The following PTPRD variants were observed in gnomAD, a reference collection of about 807,000 sequenced individuals.
PTPRD encodes protein tyrosine phosphatase receptor type D.
Under a neutral mutation model 214.5 loss-of-function variants are expected in PTPRD, and 34 were observed. The observed-to-expected ratio is 0.16, with a 90% CI of 0.12 to 0.21. The LOEUF (loss-of-function observed/expected upper bound fraction) is 0.21, where lower values mean the gene tolerates loss of function less well. Ranked by LOEUF, PTPRD falls within the 10% of genes least tolerant of loss-of-function variation. The pLI is 1.00. For synonymous variants in PTPRD, 1,128 were observed against 845.7 expected, an observed-to-expected ratio of 1.33 and a Z score of -5.79; for missense variants, 2,545 against 2,398.7, an observed-to-expected ratio of 1.06 and a Z score of -1.27.
intron 3 of PTPRD, among the ~76,000 whole-genome samples, chr9:10,284,584 T>C (rs2095275732): frequency 6.6e-6 from 1 of 152,236 alleles, no homozygotes; most frequent in African/African-American, 2.4e-5. Flanking sequence ...TATTATCTCA[T>C]AGTTCTTGTG....
rs1453728795 is a variant in PTPRD at position 8,486,249 on chromosome 9, G to C, written c.2568C>G (p.Tyr856Ter). ...TATCCTTGCGGCCAAATTTTAGACGGTAGCCCTGAAGAGGTCCAAATGTGT... is the reference window on the plus strand; with the variant it reads ...TATCCTTGCGGCCAAATTTTAGACGCTAGCCCTGAAGAGGTCCAAATGTGT... ...PVDTFGPLQG[Y>*]RLKFGRKDME... is the part of the protein sequence containing the mutation. Residue 856 changes from tyrosine to a stop codon, truncating the protein, a stop_gained, in exon 28 of 46, where the codon TAC becomes TAG. Transcript: ENST00000381196. LOFTEE classifies it high-confidence loss of function. The C allele has an allele frequency of 6.2e-7, 1 of 1,614,180 alleles. No individual in the cohort carries two copies. The highest frequency in any genetic ancestry group is 8.5e-7 in the Non-Finnish European group (1 of 1,180,018).
chr9:9,277,291 C>T (rs557926159), intron 9 of PTPRD, among the ~76,000 whole-genome samples: 37 of 151,354 alleles, frequency 2.4e-4, no homozygotes, highest in Non-Finnish European at 3.6e-4. Flanking sequence ...TCTTAAAATG[C>T]CAATCTGTAA....
At chr9:9,879,775 C>A (rs1467772577) in intron 5 of PTPRD, among the ~76,000 whole-genome samples, 1 of 152,082 alleles carries the variant, frequency 6.6e-6, no homozygotes, top group African/African-American at 2.4e-5. Flanking sequence ...AAGGGTGGAA[C>A]ATTTCTTGCT....
chr9:8,743,115 G>GT lies in PTPRD; in HGVS notation c.-103-9170_-103-9169insA, dbSNP rs887738565. 6.9e-3 allele frequency among the ~76,000 whole-genome samples: 182 copies of GT among 26,290 alleles called. 1 individual carries two copies. Among genetic ancestry groups the GT allele is most frequent in the African/African-American group, 0.013 (165 of 13,036 alleles). 17.2% of individuals were successfully genotyped at this position (26,290 alleles called of 152,430 possible). ...GAAAAATTCCAAATTAAAAAAAAAA[G>GT]GGGGGGGGGACTTTTAAGACATAAT... On this transcript the variant is annotated intron_variant, in intron 11 of 45. Transcript: ENST00000381196.
At chr9:9,883,579 GATC>G (rs2069606747) in intron 5 of PTPRD, among the ~76,000 whole-genome samples, 1 of 152,102 alleles carries the variant, frequency 6.6e-6, no homozygotes, top group Non-Finnish European at 1.5e-5. Flanking sequence ...AAGAAGAATA[GATC>G]ATCTTTTACC....
chr9:8,854,080 T>C (rs2097866469), intron 11 of PTPRD, among the ~76,000 whole-genome samples: 1 of 152,174 alleles, frequency 6.6e-6, no homozygotes. Context: ...ATACAAATCC[T>C]GTATATTTCG....
intron 7 of PTPRD, among the ~76,000 whole-genome samples, chr9:9,585,864 G>A (rs1383334628): frequency 6.6e-6 from 1 of 152,036 alleles, no homozygotes; most frequent in Non-Finnish European, 1.5e-5. Flanking sequence ...AAAAAGGGAA[G>A]GCTTGAGGTG....
At chr9:9,637,406 A>G (rs752468242) in intron 7 of PTPRD, among the ~76,000 whole-genome samples, 8 of 152,242 alleles carry the variant, frequency 5.3e-5, no homozygotes, top group Non-Finnish European at 1.0e-4. Context: ...AGCATAGAAT[A>G]TACATTCCAA....
At position 8,518,198 on chromosome 9, in the gene PTPRD, T is replaced by C; in HGVS notation, c.1193A>G (p.Asn398Ser). The C allele has an allele frequency of 1.2e-6, 2 of 1,614,174 alleles. No individual in the cohort carries two copies. The highest frequency in any genetic ancestry group is 1.7e-6 in the Non-Finnish European group (2 of 1,180,012). ...DYEFRVVAVN[N>S]IGRGPPSEPV... ...TTCGCTGGGAGGCCCCCGCCCAATG[T>C]TATTGACAGCAACAACCCTGAATTC... The change falls in exon 21 of 46, where the codon AAC becomes AGC. Residue 398 changes from asparagine (N) to serine (S), a missense_variant. Asn to Ser is a conservative substitution (Grantham distance 46). Coordinates refer to ENST00000381196, the MANE Select transcript of PTPRD (RefSeq NM_002839.4).
intron 2 of PTPRD, among the ~76,000 whole-genome samples, chr9:10,486,404 G>T (rs372871919): frequency 6.6e-5 from 10 of 152,242 alleles, no homozygotes; most frequent in African/African-American, 2.2e-4. Context: ...CATATGGCTG[G>T]ACAGTTTTCC....
At chr9:9,982,814 T>C (rs1312436508) in intron 4 of PTPRD, among the ~76,000 whole-genome samples, 1 of 152,156 alleles carries the variant, frequency 6.6e-6, no homozygotes, top group African/African-American at 2.4e-5. Flanking sequence ...TTCTTGATTA[T>C]AGCTTTCTAT....
chr9:9,985,982 A>G (rs2095696720), intron 4 of PTPRD, among the ~76,000 whole-genome samples: 1 of 152,134 alleles, frequency 6.6e-6, no homozygotes, highest in African/African-American at 2.4e-5. Context: ...TTGGAAGACT[A>G]CTTAATTTGG....
intron 12 of PTPRD, among the ~76,000 whole-genome samples, chr9:8,648,147 T>C (rs1411786930): frequency 6.6e-6 from 1 of 152,230 alleles, no homozygotes; most frequent in Non-Finnish European, 1.5e-5. Flanking sequence ...AATGGTATGT[T>C]CCAATGTTTG....
intron 7 of PTPRD, among the ~76,000 whole-genome samples, chr9:9,693,947 T>C (rs1250463681): frequency 6.6e-6 from 1 of 152,204 alleles, no homozygotes; most frequent in African/African-American, 2.4e-5. Context: ...CTTGATTCTT[T>C]TTAAATATCT....
In PTPRD at chr9:8,956,226, T is replaced by C. The variant is rs187300383; in HGVS notation, c.-104+62471A>G. Among the ~76,000 whole-genome samples, 10 of 151,948 alleles carry C rather than the reference T, an allele frequency of 6.6e-5. No homozygotes were observed. The East Asian group carries it at 1.7e-3, about 26-fold the overall frequency. On this transcript the variant is annotated intron_variant, in intron 11 of 45. Transcript: ENST00000381196. ...AATATTTTTCTTGAAGAATACAGCA[T>C]TTATGCAGAGAAACAGCCATGAATA...
intron 11 of PTPRD, among the ~76,000 whole-genome samples, chr9:8,979,504 A>G (rs2154339199): frequency 6.6e-6 from 1 of 152,274 alleles, no homozygotes; most frequent in East Asian, 1.9e-4. Flanking sequence ...AGGGACTACT[A>G]TCCAAAATTT....
intron 8 of PTPRD, among the ~76,000 whole-genome samples, chr9:9,412,053 C>A (rs2075615324): frequency 6.6e-6 from 1 of 152,178 alleles, no homozygotes; most frequent in Non-Finnish European, 1.5e-5. Context: ...GCCTAGATGT[C>A]TGAGCCAGCA....
chr9:9,367,824 T>C (rs559798237), intron 9 of PTPRD, among the ~76,000 whole-genome samples: 2 of 151,640 alleles, frequency 1.3e-5, no homozygotes, highest in Non-Finnish European at 3.0e-5. Flanking sequence ...AAGGTGACAT[T>C]TGTACAATCT....
intron 8 of PTPRD, among the ~76,000 whole-genome samples, chr9:9,500,665 C>T (rs760536105): frequency 3.9e-5 from 6 of 152,064 alleles, no homozygotes; most frequent in Admixed American, 6.6e-5. Flanking sequence ...AAAAGTATTA[C>T]AGATGAAGAT....
Sources: gnomAD v4.1 joint callset for allele counts (sites outside exome capture counted in the v4.1 genomes callset) on GRCh38, gnomAD v4.1.1 for gene constraint, MANE v1.5 for transcripts, NCBI Gene and HGNC (gene_info 2026-07-23, HGNC 2026-07-21) for gene names.